The following ZFAND3 variants were observed in gnomAD, a reference collection of about 807,000 sequenced individuals.
The protein encoded by ZFAND3 is zinc finger AN1-type containing 3, also known as AN1-type zinc finger protein 3.
A neutral mutation model predicts 29.6 loss-of-function variants in ZFAND3; 10 were observed. The observed-to-expected ratio is 0.34, with a 90% confidence interval of 0.21 to 0.57. ZFAND3 has a LOEUF of 0.57. ZFAND3 is among the 20% of genes least tolerant of loss of function. ZFAND3 has a pLI of 0.86. For missense variants in ZFAND3, 230 were observed against 304.5 expected (o/e 0.76, Z 1.82); for synonymous variants, 128 against 112.6 (o/e 1.14, Z -0.87).
chr6:38,054,820 G>T (rs1221488927), intron 2 of ZFAND3, among the ~76,000 whole-genome samples: 1 of 152,148 alleles, frequency 6.6e-6, no homozygotes, highest in Non-Finnish European at 1.5e-5. Context: ...TCTTGCTGAG[G>T]CTGTTAACCC....
At chr6:38,103,374 A>T (rs7449672) in intron 4 of ZFAND3, among the ~76,000 whole-genome samples, 5 of 146,996 alleles carry the variant, frequency 3.4e-5, no homozygotes, top group South Asian at 2.1e-4. Flanking sequence ...ATATACACAC[A>T]ATATATATAT....
intron 2 of ZFAND3, among the ~76,000 whole-genome samples, chr6:38,058,260 G>T (rs1022877114): frequency 1.3e-5 from 2 of 152,154 alleles, no homozygotes; most frequent in African/African-American, 4.8e-5. Flanking sequence ...GTACAGTGAT[G>T]ACTCAGTTTC....
At chr6:37,918,661 A>G (rs1266240642) in intron 1 of ZFAND3, among the ~76,000 whole-genome samples, 2 of 152,134 alleles carry the variant, frequency 1.3e-5, no homozygotes, top group Non-Finnish European at 2.9e-5. Flanking sequence ...TCTTAATGAG[A>G]GTGGATGAGT....
At chr6:37,827,957 T>C (rs896321602) in intron 1 of ZFAND3, among the ~76,000 whole-genome samples, 1 of 152,244 alleles carries the variant, frequency 6.6e-6, no homozygotes, top group African/African-American at 2.4e-5. Flanking sequence ...ATTGATACTT[T>C]AGTCATTACC....
At chr6:37,896,348 A>G (rs114244364) in intron 1 of ZFAND3, among the ~76,000 whole-genome samples, 15 of 152,058 alleles carry the variant, frequency 9.9e-5, no homozygotes, top group African/African-American at 3.6e-4. Context: ...AATGTGGCCT[A>G]TTACATAAAT....
At position 37,891,327 on chromosome 6, in the gene ZFAND3, G is replaced by A. The variant is rs1348694485; in HGVS notation, c.72-38632G>A. On this transcript the variant is annotated intron_variant, in intron 1 of 5. Transcript: ENST00000287218. ...TGTTTAGTCATTCATTAGTTGATGG[G>A]CATTTTGGTTGTTTCAACGTAGAGC... Among the ~76,000 whole-genome samples, 6 of 150,772 alleles carry A rather than the reference G, an allele frequency of 4.0e-5. No individual in the cohort carries two copies. In the East Asian group the frequency reaches 1.2e-3, roughly 29 times the overall value.
At chr6:37,860,130 C>G (rs1241887762) in intron 1 of ZFAND3, among the ~76,000 whole-genome samples, 1 of 150,308 alleles carries the variant, frequency 6.7e-6, no homozygotes, top group Admixed American at 6.6e-5. Context: ...CTCGGCCTCC[C>G]AAAGTGCTGG....
intron 3 of ZFAND3, among the ~76,000 whole-genome samples, chr6:38,073,537 A>G (rs947589487): frequency 1.3e-5 from 2 of 152,170 alleles, no homozygotes; most frequent in Non-Finnish European, 2.9e-5. Context: ...CGTATTAAAT[A>G]TGCTTTGTCA....
At chr6:37,831,568 G>GT (rs1763862791) in intron 1 of ZFAND3, among the ~76,000 whole-genome samples, 1 of 152,192 alleles carries the variant, frequency 6.6e-6, no homozygotes, top group Admixed American at 6.5e-5. Flanking sequence ...AGATCACTGA[G>GT]TATTGTGAGA....
intron 2 of ZFAND3, among the ~76,000 whole-genome samples, chr6:37,969,921 ATTAAT>A (rs2127428025): frequency 6.6e-6 from 1 of 152,280 alleles, no homozygotes; most frequent in African/African-American, 2.4e-5. Flanking sequence ...TGGTTATTAA[ATTAAT>A]TTAGTATCAG....
At chr6:38,056,150 T>C (rs1390338527) in intron 2 of ZFAND3, among the ~76,000 whole-genome samples, 1 of 152,190 alleles carries the variant, frequency 6.6e-6, no homozygotes, top group African/African-American at 2.4e-5. Flanking sequence ...TGAAATCTTG[T>C]TTATAATAGT....
chr6:38,142,345 A>G (rs1765975213), intron 5 of ZFAND3: 1 of 471,140 alleles, frequency 2.1e-6, no homozygotes, highest in African/African-American at 2.0e-5. Context: ...ACTTGGATGA[A>G]CTGACTCTTG....
chr6:38,091,669 A>G (rs532449847), intron 4 of ZFAND3, among the ~76,000 whole-genome samples: 13 of 148,542 alleles, frequency 8.8e-5, no homozygotes, highest in African/African-American at 2.2e-4. Context: ...GAGCCTTGCA[A>G]TGATACTGCC....
chr6:38,060,204 A>G (rs1445658696), intron 2 of ZFAND3, among the ~76,000 whole-genome samples: 2 of 152,288 alleles, frequency 1.3e-5, no homozygotes, highest in East Asian at 3.9e-4. Context: ...GAGTTCTGAA[A>G]CCAGTCCCCT....
intron 2 of ZFAND3, 149 bp from the exon 3 acceptor site, chr6:38,061,444 C>A: frequency 1.1e-6 from 1 of 924,516 alleles, no homozygotes; most frequent in Non-Finnish European, 1.6e-6. Flanking sequence ...CGTTTTTGAC[C>A]AGTGTTTTAC....
At chr6:38,084,188 G>C (rs1042600114) in intron 4 of ZFAND3, among the ~76,000 whole-genome samples, 2 of 152,094 alleles carry the variant, frequency 1.3e-5, no homozygotes, top group African/African-American at 4.8e-5. Context: ...TAACCAGACT[G>C]TGGAAAAGCA....
intron 2 of ZFAND3, among the ~76,000 whole-genome samples, chr6:37,961,417 C>T (rs1404688991): frequency 6.6e-6 from 1 of 152,234 alleles, no homozygotes; most frequent in Non-Finnish European, 1.5e-5. Flanking sequence ...CCTCCAGGAT[C>T]CTGGGGGAGC....
rs77174800 is a variant in ZFAND3 at position 38,131,074 on chromosome 6, G to A, written c.529+14335G>A. Among the ~76,000 whole-genome samples, 2,521 of 152,118 alleles carry A rather than the reference G, an allele frequency of 0.017. 251 individuals carry two copies. The East Asian group carries it at 0.28, about 17-fold the overall frequency. ...TCCAGGAATTTATCCATCTCGTCTA[G>A]GTTTTTCTAGTTTATGTGCATAATG... On this transcript the variant is annotated intron_variant, in intron 5 of 5. Coordinates refer to ENST00000287218, the MANE Select transcript of ZFAND3 (RefSeq NM_021943.3).
intron 3 of ZFAND3, among the ~76,000 whole-genome samples, chr6:38,081,192 A>G (rs950166130): frequency 6.6e-6 from 1 of 151,642 alleles, no homozygotes; most frequent in African/African-American, 2.4e-5. Flanking sequence ...TATGATCTCC[A>G]TGACTGTGTG....
Sources: gnomAD v4.1 joint callset for allele counts (sites outside exome capture counted in the v4.1 genomes callset) on GRCh38, gnomAD v4.1.1 for gene constraint, MANE v1.5 for transcripts, NCBI Gene and HGNC (gene_info 2026-07-23, HGNC 2026-07-21) for gene names.